SETX: variants seen among roughly 807,000 people sequenced by gnomAD.
SETX encodes helicase senataxin.
A neutral mutation model predicts 227.2 loss-of-function variants in SETX; 90 were observed. The observed-to-expected ratio is 0.40, with a 90% confidence interval of 0.33 to 0.47. SETX has a LOEUF of 0.47. SETX is among the 20% of genes least tolerant of loss of function. The probability of loss-of-function intolerance (pLI) is 0.91; values close to 1 mark genes in which losing one functional copy is unlikely to be tolerated. For synonymous variants in SETX, 1,210 were observed against 1,113.2 expected (o/e 1.09, Z -1.73); for missense variants, 3,052 against 3,181.5 (o/e 0.96, Z 0.98).
In SETX at chr9:132,288,273, C is replaced by T. The variant is rs776342032; in HGVS notation, c.6287G>A (p.Arg2096Gln). The T allele has an allele frequency of 6.2e-7, 1 of 1,614,150 alleles. No individual in the cohort carries two copies. The highest frequency in any genetic ancestry group is 1.1e-5 in the South Asian group (1 of 91,076). ...FLDYQLDELS[R>Q]QRALCRGGRE... ...TCCACCTCGGCATAGAGCTCGCTGC[C>T]GGGAAAGCTCATCCAGCTGATAATC... Residue 2096 changes from arginine to glutamine, a missense_variant, in exon 17 of 26, where the codon CGG becomes CAG. Coordinates refer to ENST00000224140, the MANE Select transcript of SETX (RefSeq NM_015046.7).
intron 6 of SETX, among the ~76,000 whole-genome samples, chr9:132,335,623 G>A (rs1010241919): frequency 4.6e-5 from 7 of 151,644 alleles, no homozygotes; most frequent in African/African-American, 9.7e-5. Flanking sequence ...GACTACAGGC[G>A]TGCACCACCA....
At chr9:132,302,681 C>CAAAAAAAA (rs57673567) in intron 11 of SETX, among the ~76,000 whole-genome samples, 4 of 78,480 alleles carry the variant, frequency 5.1e-5, no homozygotes, top group Admixed American at 1.6e-4. Flanking sequence ...AAAAAAAAAG[C>CAAAAAAAA]AAAAAAAAAA....
At chr9:132,346,621 CA>C in intron 3 of SETX, 150 bp from the exon 4 acceptor site, 1 of 662,956 alleles carries the variant, frequency 1.5e-6, no homozygotes, top group Non-Finnish European at 2.6e-6. Context: ...GAAAACTATT[CA>C]AATGTGGCCA....
Position 132,296,092 on chromosome 9 carries a change from T to C in SETX, c.5950-64A>G, listed in dbSNP as rs953264935. ...AAAAATATGGGTGAGCTCTATTACA[T>C]AGCTTTAAAGTTTGTCTTTACTTCC... On this transcript the variant is annotated intron_variant, in intron 14 of 25. Transcript: ENST00000224140. 11 of 1,584,544 alleles carry C rather than the reference T, an allele frequency of 6.9e-6. No individual in the cohort carries two copies. In the Middle Eastern group the frequency reaches 5.0e-4, roughly 72 times the overall value.
At chr9:132,350,113 G>T (rs1481928152) in intron 2 of SETX, among the ~76,000 whole-genome samples, 1 of 152,178 alleles carries the variant, frequency 6.6e-6, no homozygotes, top group Non-Finnish European at 1.5e-5. Flanking sequence ...AGCACTTTGG[G>T]AGGCCGACGT....
intron 11 of SETX, among the ~76,000 whole-genome samples, chr9:132,301,088 C>CTTTTTTTTTTTTTTTT (rs200657740): frequency 8.1e-6 from 1 of 123,922 alleles, no homozygotes; most frequent in African/African-American, 2.9e-5. Context: ...GTTTATTCTG[C>CTTTTTTTTTTTTTTTT]TTTTTTTTTT....
chr9:132,347,263 C>A (rs1028468183), intron 3 of SETX, among the ~76,000 whole-genome samples: 1 of 151,458 alleles, frequency 6.6e-6, no homozygotes, highest in Admixed American at 6.6e-5. Flanking sequence ...AAACAAAAAA[C>A]CAAACAAACG....
At chr9:132,354,606 C>G (rs771968783) in intron 1 of SETX, among the ~76,000 whole-genome samples, 1 of 152,010 alleles carries the variant, frequency 6.6e-6, no homozygotes, top group Non-Finnish European at 1.5e-5. Flanking sequence ...ACCTCCCGCT[C>G]AGCCCCAAGG....
chr9:132,336,553 C>T, intron 5 of SETX, 38 bp from the exon 6 acceptor site: 1 of 1,389,524 alleles, frequency 7.2e-7, no homozygotes, highest in Non-Finnish European at 1.0e-6. Context: ...ATTCAATAAA[C>T]AATGGTCTAC....
intron 4 of SETX, among the ~76,000 whole-genome samples, chr9:132,346,018 C>CT (rs746343554): frequency 1.2e-4 from 18 of 151,584 alleles, no homozygotes; most frequent in Non-Finnish European, 2.4e-4. Context: ...GACCCTGTCT[C>CT]TAAAAAAAAA....
intron 3 of SETX, among the ~76,000 whole-genome samples, chr9:132,348,311 C>T (rs1186954533): frequency 7.1e-6 from 1 of 140,094 alleles, no homozygotes. Context: ...TGAAGTGAGC[C>T]AAGATCACGC....
At chr9:132,310,863 G>T (rs1417997697) in intron 11 of SETX, among the ~76,000 whole-genome samples, 1 of 152,186 alleles carries the variant, frequency 6.6e-6, no homozygotes, top group African/African-American at 2.4e-5. Context: ...TTCACTTAAT[G>T]AATAAATATA....
rs774661485 is a variant in SETX, at chr9:132,328,039, C to T, written c.3559G>A (p.Asp1187Asn). The change falls in exon 10 of 26, where the codon GAT (aspartate) becomes AAT (asparagine). Residue 1187 changes from aspartate (D) to asparagine (N), a missense_variant. Physicochemically the swap from Asp to Asn is conservative, Grantham distance 23 (BLOSUM62 1). This residue lies in a region of SETX where 1,483 missense variants were observed against 1,312.0 expected (regional missense o/e 1.13). Transcript: ENST00000224140. Reference protein sequence around the residue: ...SSSVRNEGQSDTNKRDLVGND... With the variant: ...SSSVRNEGQSNTNKRDLVGND... ...CCCACAAGATCTCTCTTATTAGTAT[C>T]AGACTGGCCCTCATTTCTGACAGAA... 5.0e-6 allele frequency: 8 copies of T among 1,614,162 alleles called. No individual in the cohort carries two copies. The highest frequency in any genetic ancestry group is 6.8e-6 in the Non-Finnish European group (8 of 1,180,026).
chr9:132,300,624 A>C lies in SETX; in HGVS notation c.5548+6T>G. 6.2e-7 allele frequency: 1 copy of C among 1,613,222 alleles called. No homozygotes were observed. The highest frequency in any genetic ancestry group is 8.5e-7 in the Non-Finnish European group (1 of 1,179,584). On this transcript the variant is annotated splice_donor_region_variant and intron_variant, in intron 12 of 25. Coordinates refer to ENST00000224140, the MANE Select transcript of SETX (RefSeq NM_015046.7). ...ATTTCCTGTCAATGCCTCATTATTTACTTACTGACTGACGTGCGGCGAAAT... is the reference window on the plus strand; with the variant it reads ...ATTTCCTGTCAATGCCTCATTATTTCCTTACTGACTGACGTGCGGCGAAAT...
intron 10 of SETX, among the ~76,000 whole-genome samples, chr9:132,315,025 G>A (rs953558532): frequency 7.4e-5 from 11 of 147,954 alleles, no homozygotes. Context: ...CAATTCTCCT[G>A]CCTCAGCCTC....
At chr9:132,317,151 C>T (rs1374008135) in intron 10 of SETX, among the ~76,000 whole-genome samples, 2 of 152,218 alleles carry the variant, frequency 1.3e-5, no homozygotes, top group Admixed American at 6.5e-5. Context: ...ATAAGTGTCT[C>T]ATGCATTCAT....
rs750644049 is a variant in SETX at position 132,264,521 on chromosome 9, C to T, written c.7752G>A (p.Leu2584=). 2.5e-6 allele frequency: 4 copies of T among 1,613,940 alleles called. No homozygotes were observed. Among genetic ancestry groups the T allele is most frequent in the South Asian group, 1.1e-5 (1 of 91,082 alleles). ...EPGFPVVHQD[L]SHIQQPAAVV... ...CAGCAGCGGGCTGCTGTATATGGCT[C>T]AGGTCCTGGTGAACGACAGGGAAGC... The change falls in exon 26 of 26, where the codon CTG becomes CTA. Residue 2584 remains leucine (L), a synonymous_variant. Transcript: ENST00000224140.
At position 132,327,984 on chromosome 9, in the gene SETX, G is replaced by A. The variant is rs1389654820; in HGVS notation, c.3614C>T (p.Thr1205Ile). 1 of 1,613,888 alleles carries A rather than the reference G, an allele frequency of 6.2e-7. No homozygotes were observed. Among genetic ancestry groups the A allele is most frequent in the Non-Finnish European group, 8.5e-7 (1 of 1,179,964 alleles). ...CTGAATACGTGAATTGGGAGTTGAA[G>A]TCCTTCTATCAATACTTTTAAAATC... ...GNDFKSIDRRTSTPNSRIQRA... is the reference protein window; with the variant it reads ...GNDFKSIDRRISTPNSRIQRA... The change falls in exon 10 of 26, where the codon ACT becomes ATT. Residue 1205 changes from threonine (T) to isoleucine (I), a missense_variant. This residue lies in a region of SETX where 1,483 missense variants were observed against 1,312.0 expected (regional missense o/e 1.13). Coordinates refer to ENST00000224140, the MANE Select transcript of SETX (RefSeq NM_015046.7).
chr9:132,334,795 CA>C, intron 6 of SETX, 68 bp from the exon 7 acceptor site: 8 of 1,547,878 alleles, frequency 5.2e-6, no homozygotes, highest in Non-Finnish European at 7.1e-6. Flanking sequence ...GTTTAGTTTG[CA>C]AAAGAATAAC....
Sources: allele counts gnomAD v4.1 joint callset (sites outside exome capture counted in the v4.1 genomes callset), GRCh38; gene constraint gnomAD v4.1.1; regional missense constraint gnomAD v4.1.1; transcripts MANE v1.5; gene names NCBI Gene and HGNC (gene_info 2026-07-23, HGNC 2026-07-21).